The following FAM83E variants were observed in gnomAD, a reference collection of about 807,000 sequenced individuals.
FAM83E encodes the protein scaffolding CK1 anchoring protein E, also known as protein FAM83E.
In FAM83E, 29 loss-of-function variants were observed where a neutral mutation model predicts 34.3. That is an observed-to-expected ratio of 0.85 (90% confidence interval 0.63 to 1.15). The LOEUF (loss-of-function observed/expected upper bound fraction) is 1.15, where lower values mean the gene tolerates loss of function less well. Ranked by LOEUF, FAM83E falls within the 50% of genes most tolerant of loss-of-function variation. FAM83E has a pLI of 0.00. For synonymous variants in FAM83E, 312 were observed against 311.6 expected (o/e 1.00, Z -0.01); for missense variants, 697 against 685.0 (o/e 1.02, Z -0.20).
chr19:48,607,342 C>T (rs1279396805), intron 5 of FAM83E: 9 of 1,589,094 alleles, frequency 5.7e-6, no homozygotes, highest in South Asian at 3.4e-5. Flanking sequence ...GCTTCCTCCA[C>T]GTTTGCTGTG....
intron 5 of FAM83E, among the ~76,000 whole-genome samples, chr19:48,608,606 G>A (rs1973979661): frequency 6.6e-6 from 1 of 150,378 alleles, no homozygotes. Flanking sequence ...CACCAGGCCC[G>A]GCTGATTTTT....
intron 5 of FAM83E, among the ~76,000 whole-genome samples, chr19:48,608,528 T>C (rs1475772095): frequency 2.1e-4 from 30 of 146,186 alleles, no homozygotes; most frequent in African/African-American, 7.7e-4. Context: ...CACTGCAACC[T>C]CCACCTCCCA....
At chr19:48,606,017 C>A (rs576916655) in intron 5 of FAM83E, among the ~76,000 whole-genome samples, 3 of 151,902 alleles carry the variant, frequency 2.0e-5, no homozygotes, top group Non-Finnish European at 4.4e-5. Flanking sequence ...TTATTGAAAG[C>A]ACCAAGTGCC....
rs889428768 is a variant in FAM83E, at chr19:48,600,001, G to C, written c.*1108C>G. On this transcript the variant is annotated 3_prime_UTR_variant, in exon 7 of 7. Coordinates refer to ENST00000263266, the MANE Select transcript of FAM83E (RefSeq NM_017708.4). The stretch of plus-strand genomic sequence containing the variant: ...GGTTTTATTCCGAGCAGAGGTAAAC[G>C]GGAGCTCCGGCAGACCCGCCCTCTC... 3.9e-5 allele frequency among the ~76,000 whole-genome samples: 6 copies of C among 152,152 alleles called. No homozygotes were observed. The highest frequency in any genetic ancestry group is 8.8e-5 in the Non-Finnish European group (6 of 68,012).
chr19:48,612,748 C>T (rs187605017), intron 3 of FAM83E, among the ~76,000 whole-genome samples, 160 bp downstream of exon 3: 5 of 152,190 alleles, frequency 3.3e-5, no homozygotes, highest in Admixed American at 2.6e-4. Flanking sequence ...GTTGTAGGCA[C>T]CTGAGTCCTG....
chr19:48,614,034 AG>A lies in FAM83E; in HGVS notation c.-663del. 1.1e-5 allele frequency: 11 copies of A among 985,648 alleles called. No individual in the cohort carries two copies. The highest frequency in any genetic ancestry group is 1.3e-5 in the Non-Finnish European group (11 of 830,092). 61.1% of individuals were successfully genotyped at this position (985,648 alleles called of 1,614,324 possible). The stretch of plus-strand genomic sequence containing the variant: ...GCATCTGTCTCTGGCCAAATCTGAC[AG>A]CCCCCACGAGTTTCTCCTGCTCATC... On this transcript the variant is annotated 5_prime_UTR_variant, in exon 3 of 7. The change abolishes the stop of an existing upstream ORF in the 5' untranslated region. Transcript: ENST00000263266.
rs995391905 is a variant in FAM83E, at chr19:48,614,640, G to T, written c.-1255-13C>A. 5.1e-6 allele frequency: 5 copies of T among 984,558 alleles called. No individual in the cohort carries two copies. The highest frequency in any genetic ancestry group is 1.2e-4 in the Admixed American group (2 of 16,056). 61.0% of individuals were successfully genotyped at this position (984,558 alleles called of 1,614,324 possible). A position where few individuals can be genotyped will look rare whatever the true frequency, so the allele number is the denominator to read the frequency against. On this transcript the variant is annotated splice_polypyrimidine_tract_variant and intron_variant, in intron 2 of 6. Coordinates refer to ENST00000263266, the MANE Select transcript of FAM83E (RefSeq NM_017708.4). ...CCACAGCAGGGAGCTGCAAAGAGAA[G>T]AAAGGAGTCAAGGCAGGCCAGCCTC... is the stretch of plus-strand genomic sequence containing the variant.
chr19:48,609,717 C>T (rs1436948505), intron 5 of FAM83E, among the ~76,000 whole-genome samples, 159 bp downstream of exon 5: 3 of 152,276 alleles, frequency 2.0e-5, no homozygotes, highest in Non-Finnish European at 4.4e-5. Flanking sequence ...CAGGTCCGGC[C>T]GCGGCACCAA....
At position 48,601,139 on chromosome 19, in the gene FAM83E, G is replaced by C; in HGVS notation, c.1407C>G (p.Ala469=). ...GTTGCCCCCCAAGTCCTGCCCGGGG[G>C]GCCCAGTCTGACGGCCTGACGCCTC... ...EPRGVRPSDW[A]PRAGLGGQP is the part of the protein sequence containing the mutation. Residue 469 remains alanine, a synonymous_variant, in exon 7 of 7, where the codon GCC becomes GCG. Transcript: ENST00000263266. The C allele has an allele frequency of 1.9e-6, 3 of 1,612,866 alleles. No homozygotes were observed. In the East Asian group the frequency reaches 6.7e-5, roughly 36 times the overall value.
At position 48,613,685 on chromosome 19, in the gene FAM83E, G is replaced by A; in HGVS notation, c.-313C>T. On this transcript the variant is annotated 5_prime_UTR_variant, in exon 3 of 7. An upstream open reading frame in the 5' UTR gains an earlier in-frame stop. Transcript: ENST00000263266. ...GACCTTCCTGCCAGCCGTCTCTGCTGGTCAGGTTGACCTCCTGACACCATC... is the reference window on the plus strand; with the variant it reads ...GACCTTCCTGCCAGCCGTCTCTGCTAGTCAGGTTGACCTCCTGACACCATC... 1.6e-6 allele frequency: 2 copies of A among 1,240,924 alleles called. No individual in the cohort carries two copies. The highest frequency in any genetic ancestry group is 4.3e-5 in the South Asian group (2 of 46,934). The allele number at this position is 1,240,924 out of a possible 1,614,324, so 76.9% of individuals were successfully genotyped here.
Position 48,603,575 on chromosome 19 carries a change from G to T in FAM83E, c.1095C>A (p.Gly365=), listed in dbSNP as rs764331051. 3.2e-6 allele frequency: 5 copies of T among 1,552,992 alleles called. No individual in the cohort carries two copies. In the African/African-American group the frequency reaches 5.7e-5, roughly 18 times the overall value. The change falls in exon 6 of 7, where the codon GGC becomes GGA. Residue 365 remains glycine (G), a synonymous_variant. Transcript: ENST00000263266. ...RSVQRARTPS[G]PPARPSRSMW... is the part of the protein sequence containing the mutation. ...TGGAGCGGCTGGGCCGGGCCGGGGG[G>T]CCGCTGGGGGTCCGGGCGCGCTGCA... is the stretch of plus-strand genomic sequence containing the variant.
rs185578960 is a variant in FAM83E at position 48,610,882 on chromosome 19, C to T, written c.466-35G>A. The T allele has an allele frequency of 8.1e-4, 1,271 of 1,564,906 alleles. 6 individuals carry two copies. Among genetic ancestry groups the T allele is most frequent in the Admixed American group, 1.6e-3 (87 of 53,214 alleles). On this transcript the variant is annotated intron_variant, in intron 3 of 6. Transcript: ENST00000263266. ...GGGAGAGGGGCGGTGGGCTTGTGAACGGAAGCTGGCTCAGGGGACACTCAG... is the reference window on the plus strand; with the variant it reads ...GGGAGAGGGGCGGTGGGCTTGTGAATGGAAGCTGGCTCAGGGGACACTCAG...
At chr19:48,609,000 C>CA (rs1973987047) in intron 5 of FAM83E, among the ~76,000 whole-genome samples, 1 of 152,112 alleles carries the variant, frequency 6.6e-6, no homozygotes, top group Non-Finnish European at 1.5e-5. Flanking sequence ...GCTCCTAAAA[C>CA]AAAGACTTAC....
intron 3 of FAM83E, 53 bp downstream of exon 3, chr19:48,612,855 C>CT: frequency 6.8e-7 from 1 of 1,474,714 alleles, no homozygotes; most frequent in South Asian, 1.4e-5. Context: ...GAGAGAATGC[C>CT]TGGGTCCCCG....
At chr19:48,608,404 C>T (rs1021216040) in intron 5 of FAM83E, among the ~76,000 whole-genome samples, 2 of 151,034 alleles carry the variant, frequency 1.3e-5, no homozygotes, top group East Asian at 1.9e-4. Flanking sequence ...TGAACCACCA[C>T]GCCTGGCCTT....
At position 48,614,495 on chromosome 19, in the gene FAM83E, A is replaced by G. The variant is rs184283419; in HGVS notation, c.-1123T>C. ...CTCTATCTCGCCCTGTCTCCCTCCC[A>G]AGCCTCAGTTATCCCCTTGAGGCTC... On this transcript the variant is annotated 5_prime_UTR_variant, in exon 3 of 7. Transcript: ENST00000263266. 275 of 985,066 alleles carry G rather than the reference A, an allele frequency of 2.8e-4. 1 individual carries two copies. The African/African-American group carries it at 4.3e-3, about 15-fold the overall frequency. 61.0% of individuals were successfully genotyped at this position (985,066 alleles called of 1,614,324 possible).
intron 6 of FAM83E, 124 bp from the exon 7 acceptor site, chr19:48,601,493 G>A (rs1279205420): frequency 7.5e-6 from 11 of 1,459,638 alleles, no homozygotes; most frequent in Middle Eastern, 4.9e-4. Flanking sequence ...GGCCAGGCAC[G>A]GTGGCTCACG....
At chr19:48,606,894 C>A in intron 5 of FAM83E, 11 of 1,504,884 alleles carry the variant, frequency 7.3e-6, no homozygotes, top group Non-Finnish European at 9.7e-6. Context: ...CAAGAGGAGT[C>A]CTCAGAGGTC....
Position 48,603,798 on chromosome 19 carries a change from A to T in FAM83E, c.872T>A (p.Leu291His). 6.3e-7 allele frequency: 1 copy of T among 1,597,172 alleles called. No homozygotes were observed. ...GGGTTTCTGGGGGGGCGCAGGTGGGAGCGGGCAGGAGGCCGCGTACAGCGT... is the reference window on the plus strand; with the variant it reads ...GGGTTTCTGGGGGGGCGCAGGTGGGTGCGGGCAGGAGGCCGCGTACAGCGT... ...FRTLYAASCP[L>H]PPAPPQKPSV... The change falls in exon 6 of 7, where the codon CTC becomes CAC. Residue 291 changes from leucine (L) to histidine (H), a missense_variant. Coordinates refer to ENST00000263266, the MANE Select transcript of FAM83E (RefSeq NM_017708.4).
Sources: allele counts gnomAD v4.1 joint callset (sites outside exome capture counted in the v4.1 genomes callset), GRCh38; gene constraint gnomAD v4.1.1; transcripts MANE v1.5; gene names NCBI Gene and HGNC (gene_info 2026-07-23, HGNC 2026-07-21).